Variants in NRXN1 observed in about 807,000 individuals in gnomAD.
NRXN1 encodes the protein neurexin-1.
NRXN1 carries 39 observed loss-of-function variants against 150.9 expected under a neutral mutation model. The observed-to-expected ratio is 0.26, with a 90% CI of 0.20 to 0.34. The LOEUF (loss-of-function observed/expected upper bound fraction) is 0.34. Ranked by LOEUF, NRXN1 falls within the 10% of genes least tolerant of loss-of-function variation. The probability of loss-of-function intolerance (pLI) is 1.00; values close to 1 mark genes in which losing one functional copy is unlikely to be tolerated. For synonymous variants in NRXN1, 924 were observed against 757.0 expected (o/e 1.22, Z -3.62); for missense variants, 1,815 against 1,949.9 (o/e 0.93, Z 1.30).
At chr2:50,182,409 C>T (rs947659498) in intron 18 of NRXN1, among the ~76,000 whole-genome samples, 17 of 152,020 alleles carry the variant, frequency 1.1e-4, no homozygotes, top group Non-Finnish European at 1.8e-4. Context: ...ATGGCTCCCA[C>T]GTTTTGGATA....
intron 17 of NRXN1, among the ~76,000 whole-genome samples, chr2:50,464,269 G>A (rs757255761): frequency 6.6e-6 from 1 of 151,662 alleles, no homozygotes; most frequent in Non-Finnish European, 1.5e-5. Context: ...CATCTACAGT[G>A]GCATGGTTGT....
intron 21 of NRXN1, among the ~76,000 whole-genome samples, chr2:49,997,748 C>A (rs2152528957): frequency 1.3e-5 from 2 of 152,166 alleles, no homozygotes; most frequent in South Asian, 4.1e-4. Flanking sequence ...TTTTAAGTCT[C>A]AAAAGCATAC....
chr2:50,853,103 G>A (rs1357025439), intron 5 of NRXN1, among the ~76,000 whole-genome samples: 2 of 152,124 alleles, frequency 1.3e-5, no homozygotes, highest in African/African-American at 2.4e-5. Flanking sequence ...ACATGTAAGA[G>A]GAGCAGTTCT....
At chr2:50,538,787 G>A (rs1484992120) in intron 9 of NRXN1, among the ~76,000 whole-genome samples, 151 bp from the exon 10 acceptor site, 1 of 137,060 alleles carries the variant, frequency 7.3e-6, no homozygotes, top group Non-Finnish European at 1.6e-5. Flanking sequence ...ATTTCCTAGA[G>A]AAATTAAGAT....
At chr2:50,096,549 A>T (rs1002412455) in intron 18 of NRXN1, among the ~76,000 whole-genome samples, 1 of 152,202 alleles carries the variant, frequency 6.6e-6, no homozygotes, top group Non-Finnish European at 1.5e-5. Flanking sequence ...ATTTCACTGG[A>T]CATGTCTTTA....
chr2:50,129,516 G>A (rs1020298822), intron 18 of NRXN1, among the ~76,000 whole-genome samples: 1 of 151,992 alleles, frequency 6.6e-6, no homozygotes, highest in Non-Finnish European at 1.5e-5. Context: ...ATCCAAAAAG[G>A]GAAGAGAATT....
chr2:50,021,297 G>A (rs1430885826), intron 21 of NRXN1, among the ~76,000 whole-genome samples: 5 of 152,118 alleles, frequency 3.3e-5, no homozygotes, highest in African/African-American at 7.2e-5. Flanking sequence ...TAAGACATAC[G>A]GAAAATATCT....
intron 8 of NRXN1, among the ~76,000 whole-genome samples, chr2:50,611,640 C>T (rs1678153700): frequency 6.6e-6 from 1 of 152,188 alleles, no homozygotes; most frequent in African/African-American, 2.4e-5. Context: ...AGAGCCAATA[C>T]TTTAGAAAAT....
intron 19 of NRXN1, among the ~76,000 whole-genome samples, chr2:50,089,189 A>G (rs1397586355): frequency 6.6e-6 from 1 of 152,234 alleles, no homozygotes; most frequent in Non-Finnish European, 1.5e-5. Context: ...TTGCTGATTA[A>G]GTGTTAAAAG....
chr2:50,747,139 G>A (rs951171259), intron 5 of NRXN1, among the ~76,000 whole-genome samples: 2 of 152,088 alleles, frequency 1.3e-5, no homozygotes, highest in Non-Finnish European at 2.9e-5. Flanking sequence ...GTGGGGCTTA[G>A]ATACACACTC....
intron 18 of NRXN1, among the ~76,000 whole-genome samples, chr2:50,231,514 C>G (rs2064938947): frequency 1.3e-5 from 2 of 152,010 alleles, no homozygotes; most frequent in Admixed American, 6.6e-5. Flanking sequence ...CAATTAAGAG[C>G]TTGGTTTCAA....
At chr2:49,997,185 T>G (rs1009526527) in intron 21 of NRXN1, among the ~76,000 whole-genome samples, 3 of 152,110 alleles carry the variant, frequency 2.0e-5, no homozygotes, top group Non-Finnish European at 4.4e-5. Flanking sequence ...TGGAAATTCA[T>G]GCCTCCTGCT....
chr2:50,547,645 G>C (rs952522650), intron 9 of NRXN1: 2 of 152,176 alleles, frequency 1.3e-5, no homozygotes, highest in Admixed American at 1.3e-4. Context: ...ACTGACTTAG[G>C]GGTTTTGCCC....
In NRXN1 at chr2:50,605,505, C is replaced by T. The variant is rs557368213; in HGVS notation, c.1320+14517G>A. On this transcript the variant is annotated intron_variant, in intron 8 of 22. Transcript: ENST00000401669. Reference sequence around the variant, plus strand: ...TAAACATTTCTTCAAAGAAGAAATACAAATGGCCAACAGGTATGTAAAAAG... The same window carrying T: ...TAAACATTTCTTCAAAGAAGAAATATAAATGGCCAACAGGTATGTAAAAAG... Among the ~76,000 whole-genome samples the T allele has an allele frequency of 6.6e-5, 10 of 152,124 alleles. No homozygotes were observed. In the South Asian group the frequency reaches 1.7e-3, roughly 25 times the overall value.
At chr2:50,954,490 C>T (rs1446832612) in intron 2 of NRXN1, among the ~76,000 whole-genome samples, 4 of 152,134 alleles carry the variant, frequency 2.6e-5, no homozygotes, top group Non-Finnish European at 4.4e-5. Flanking sequence ...AGAACAGGGA[C>T]ATGCAGGAAT....
At chr2:50,269,037 T>A (rs555203947) in intron 17 of NRXN1, among the ~76,000 whole-genome samples, 1 of 152,032 alleles carries the variant, frequency 6.6e-6, no homozygotes, top group East Asian at 2.0e-4. Flanking sequence ...AATTGTGACA[T>A]TGTAGATATG....
intron 17 of NRXN1, among the ~76,000 whole-genome samples, chr2:50,286,490 C>T (rs997739135): frequency 1.3e-5 from 2 of 152,132 alleles, no homozygotes. Flanking sequence ...GGATAGTAGT[C>T]TGTTGTGTAT....
At chr2:50,455,803 C>G (rs961999228) in intron 17 of NRXN1, among the ~76,000 whole-genome samples, 1 of 152,106 alleles carries the variant, frequency 6.6e-6, no homozygotes, top group African/African-American at 2.4e-5. Flanking sequence ...AAGCTGGGCA[C>G]TCATCAAAGA....
chr2:50,897,600 T>A (rs1036363111), intron 5 of NRXN1, among the ~76,000 whole-genome samples: 3 of 152,328 alleles, frequency 2.0e-5, no homozygotes, highest in South Asian at 2.1e-4. Flanking sequence ...AAGTACTGCA[T>A]CTGCACAAAC....
Sources: allele counts gnomAD v4.1 joint callset (sites outside exome capture counted in the v4.1 genomes callset), GRCh38; gene constraint gnomAD v4.1.1; transcripts MANE v1.5; gene names NCBI Gene and HGNC (gene_info 2026-07-23, HGNC 2026-07-21).